Variants in CEP63 observed in about 807,000 individuals in gnomAD.
CEP63 encodes the protein centrosomal protein 63, also known as centrosomal protein of 63 kDa.
In CEP63, 84 loss-of-function variants were observed where a neutral mutation model predicts 89.1. The observed-to-expected ratio is 0.94, with a 90% CI of 0.79 to 1.13. The LOEUF is 1.13. CEP63 is among the 50% of genes most tolerant of loss of function. The probability of loss-of-function intolerance (pLI) is 0.00; values close to 1 mark genes in which losing one functional copy is unlikely to be tolerated. For synonymous variants in CEP63, 267 were observed against 272.5 expected (o/e 0.98, Z 0.20); for missense variants, 838 against 813.3 (o/e 1.03, Z -0.37).
the CEP63 span, among the ~76,000 whole-genome samples, chr3:134,687,328 T>C: frequency 6.6e-6 from 1 of 152,250 alleles, no homozygotes; most frequent in East Asian, 1.9e-4. Context: ...TGTGATTCTC[T>C]GGAAAACATA....
intron 1 of CEP63, among the ~76,000 whole-genome samples, chr3:134,493,021 T>A (rs1938274837): frequency 6.6e-6 from 1 of 152,120 alleles, no homozygotes; most frequent in African/African-American, 2.4e-5. Context: ...TATTAAATAG[T>A]CATAGAAAAT....
chr3:134,675,803 A>G, the CEP63 span, among the ~76,000 whole-genome samples: 1 of 152,258 alleles, frequency 6.6e-6, no homozygotes, highest in Non-Finnish European at 1.5e-5. Flanking sequence ...GTCATTAGGA[A>G]AATGCAAATT....
rs1248759154 is a variant in CEP63, at chr3:134,486,103, A to G, written c.-125A>G. On this transcript the variant is annotated 5_prime_UTR_variant, in exon 1 of 15. Coordinates refer to ENST00000675561, the MANE Select transcript of CEP63 (RefSeq NM_001353108.3). ...GGAAGTCTGGAGAAGGCATTGTTTC[A>G]ATTATTAAAAGTGTGGGGGCAGTGG... 2 of 985,216 alleles carry G rather than the reference A, an allele frequency of 2.0e-6. No individual in the cohort carries two copies. Among genetic ancestry groups the G allele is most frequent in the East Asian group, 2.3e-4 (2 of 8,806 alleles). 61.0% of individuals were successfully genotyped at this position (985,216 alleles called of 1,614,324 possible). A position where few individuals can be genotyped will look rare whatever the true frequency, so the allele number is the denominator to read the frequency against.
At chr3:134,579,548 T>G (rs888646640), downstream of CEP63, among the ~76,000 whole-genome samples, 7 of 152,244 alleles carry the variant, frequency 4.6e-5, no homozygotes, top group Non-Finnish European at 2.9e-5. Flanking sequence ...AGTGAGCACC[T>G]TTTCATGTGC....
chr3:134,505,446 G>A (rs992638523), intron 2 of CEP63, among the ~76,000 whole-genome samples: 2 of 152,144 alleles, frequency 1.3e-5, no homozygotes, highest in African/African-American at 2.4e-5. Flanking sequence ...CTATAGCAAG[G>A]CTCTGCTGGG....
chr3:134,647,727 G>C, the CEP63 span, among the ~76,000 whole-genome samples: 2 of 152,146 alleles, frequency 1.3e-5, no homozygotes, highest in African/African-American at 4.8e-5. Flanking sequence ...TGGTTATCAG[G>C]GTCATTTAGG....
the CEP63 span, among the ~76,000 whole-genome samples, chr3:134,614,570 G>C: frequency 6.6e-6 from 1 of 152,026 alleles, no homozygotes; most frequent in African/African-American, 2.4e-5. Context: ...GGAAGAGACT[G>C]AACAGAGGGG....
At chr3:134,712,716 C>G in the CEP63 span, among the ~76,000 whole-genome samples, 1 of 152,140 alleles carries the variant, frequency 6.6e-6, no homozygotes, top group Admixed American at 6.5e-5. Context: ...TCACTGGCTG[C>G]GTGTGGCTTG....
the CEP63 span, chr3:134,651,683 C>G: frequency 3.3e-6 from 3 of 898,590 alleles, no homozygotes; most frequent in African/African-American, 5.4e-5. Flanking sequence ...TAACGATCCT[C>G]TTTGATCTGA....
At chr3:134,575,043 C>T (rs373554913), downstream of CEP63, 232 of 397,074 alleles carry the variant, frequency 5.8e-4, 1 homozygote, top group African/African-American at 1.2e-3. Flanking sequence ...CTCATCAATA[C>T]GGACTATGAA....
chr3:134,735,412 C>A, the CEP63 span, among the ~76,000 whole-genome samples: 1 of 152,120 alleles, frequency 6.6e-6, no homozygotes, highest in East Asian at 1.9e-4. Context: ...AGCTTTCTTG[C>A]ACTTAGGAAC....
chr3:134,657,037 T>C, the CEP63 span, among the ~76,000 whole-genome samples: 1 of 152,200 alleles, frequency 6.6e-6, no homozygotes, highest in Non-Finnish European at 1.5e-5. Flanking sequence ...ATAGGTGTGT[T>C]AGTCTGTTTT....
the CEP63 span, among the ~76,000 whole-genome samples, chr3:134,763,774 A>G: frequency 4.6e-5 from 7 of 152,216 alleles, no homozygotes; most frequent in Admixed American, 2.6e-4. Flanking sequence ...CTGATTTAGG[A>G]TAAGCACTTA....
chr3:134,580,093 G>A (rs1958308836), intron 10 of CEP63, among the ~76,000 whole-genome samples: 2 of 152,022 alleles, frequency 1.3e-5, no homozygotes, highest in Non-Finnish European at 2.9e-5. Flanking sequence ...TACTGGGGAG[G>A]CTGAGGCGGG....
At chr3:134,762,856 A>T in the CEP63 span, among the ~76,000 whole-genome samples, 5 of 152,204 alleles carry the variant, frequency 3.3e-5, no homozygotes, top group Non-Finnish European at 2.9e-5. Flanking sequence ...AACAAAAAAC[A>T]ACAAAACAAA....
intron 10 of CEP63, among the ~76,000 whole-genome samples, chr3:134,583,070 T>C (rs886705183): frequency 2.0e-5 from 3 of 152,262 alleles, no homozygotes; most frequent in African/African-American, 7.2e-5. Flanking sequence ...TTGTAGATTC[T>C]GGATATTAGC....
chr3:134,777,608 A>ATTTTT, the CEP63 span, among the ~76,000 whole-genome samples: 4 of 100,188 alleles, frequency 4.0e-5, no homozygotes, highest in East Asian at 3.0e-4. Flanking sequence ...AAAGAATAGA[A>ATTTTT]TTTTTTTTTT....
the CEP63 span, among the ~76,000 whole-genome samples, chr3:134,755,228 ACCCTG>A: frequency 8.6e-5 from 13 of 150,410 alleles, no homozygotes; most frequent in Non-Finnish European, 1.8e-4. Flanking sequence ...AGAGCCCTGA[ACCCTG>A]AGCCCTGAGC....
At chr3:134,620,757 T>C in the CEP63 span, 3 of 1,613,086 alleles carry the variant, frequency 1.9e-6, no homozygotes, top group East Asian at 4.5e-5. Context: ...ACCTATGTGA[T>C]GGCAGATCCA....
Sources: allele counts gnomAD v4.1 joint callset (sites outside exome capture counted in the v4.1 genomes callset), GRCh38; gene constraint gnomAD v4.1.1; transcripts MANE v1.5; gene names NCBI Gene and HGNC (gene_info 2026-07-23, HGNC 2026-07-21).